Variants in LOC128462377 observed in about 807,000 individuals in gnomAD.
At chr16:89,396,818 C>G in the LOC128462377 span, among the ~76,000 whole-genome samples, 2 of 152,282 alleles carry the variant, frequency 1.3e-5, no homozygotes, top group Middle Eastern at 3.4e-3. Context: ...TCCCGAGTAG[C>G]TGGGACTACA....
At chr16:89,380,500 G>A in the LOC128462377 span, among the ~76,000 whole-genome samples, 3 of 152,180 alleles carry the variant, frequency 2.0e-5, no homozygotes, top group Non-Finnish European at 2.9e-5. Flanking sequence ...TCCAGAGAAC[G>A]ACCAGCAGTC....
At chr16:89,349,952 G>A in the LOC128462377 span, among the ~76,000 whole-genome samples, 1 of 147,760 alleles carries the variant, frequency 6.8e-6, no homozygotes, top group Non-Finnish European at 1.5e-5. Flanking sequence ...CCTGTGTCTA[G>A]AATCCATAAA....
chr16:89,374,723 A>G, the LOC128462377 span, among the ~76,000 whole-genome samples: 3 of 152,210 alleles, frequency 2.0e-5, no homozygotes, highest in Admixed American at 1.3e-4. Context: ...AGGACCAGAA[A>G]AAAACAGGAA....
the LOC128462377 span, among the ~76,000 whole-genome samples, chr16:89,329,210 G>T: frequency 6.6e-6 from 1 of 152,358 alleles, no homozygotes; most frequent in African/African-American, 2.4e-5. Flanking sequence ...ATGTCTGTCG[G>T]TGGCTGTCGA....
the LOC128462377 span, among the ~76,000 whole-genome samples, chr16:89,414,158 G>T: frequency 6.6e-6 from 1 of 152,194 alleles, no homozygotes; most frequent in African/African-American, 2.4e-5. Flanking sequence ...CAGCAAGACA[G>T]AACCTGATTA....
At chr16:89,330,661 G>C in the LOC128462377 span, among the ~76,000 whole-genome samples, 3 of 13,130 alleles carry the variant, frequency 2.3e-4, no homozygotes, top group Non-Finnish European at 9.7e-4. Flanking sequence ...AGTGACTGGG[G>C]GGGGGGGGGG....
chr16:89,336,416 G>GT, the LOC128462377 span, among the ~76,000 whole-genome samples: 3 of 152,252 alleles, frequency 2.0e-5, no homozygotes, highest in African/African-American at 7.2e-5. Context: ...GAAGGAGTCT[G>GT]TTTGCTGTGG....
the LOC128462377 span, among the ~76,000 whole-genome samples, chr16:89,340,641 T>G: frequency 6.6e-6 from 1 of 152,334 alleles, no homozygotes; most frequent in East Asian, 1.9e-4. Context: ...CACATCATCT[T>G]TTTTTCTAAC....
At chr16:89,416,579 T>C in the LOC128462377 span, among the ~76,000 whole-genome samples, 1 of 152,068 alleles carries the variant, frequency 6.6e-6, no homozygotes, top group Admixed American at 6.5e-5. Flanking sequence ...ATTACAGGCG[T>C]GAGCCACTGT....
At chr16:89,398,137 A>G in the LOC128462377 span, among the ~76,000 whole-genome samples, 1 of 151,610 alleles carries the variant, frequency 6.6e-6, no homozygotes, top group East Asian at 1.9e-4. Context: ...GGACACTGTG[A>G]AACAGCTGAA....
the LOC128462377 span, among the ~76,000 whole-genome samples, chr16:89,333,281 T>A: frequency 6.6e-6 from 1 of 152,230 alleles, no homozygotes; most frequent in Non-Finnish European, 1.5e-5. Flanking sequence ...AAATTGAGCA[T>A]GAAGTACAGA....
the LOC128462377 span, among the ~76,000 whole-genome samples, chr16:89,370,933 C>T: frequency 6.6e-6 from 1 of 152,148 alleles, no homozygotes; most frequent in African/African-American, 2.4e-5. Flanking sequence ...CGCCACGAGA[C>T]GCCCAAGAAC....
the LOC128462377 span, chr16:89,324,155 C>T: frequency 1.9e-6 from 2 of 1,053,956 alleles, no homozygotes; most frequent in Admixed American, 3.8e-5. Context: ...CCTGTTTCCA[C>T]TCACATTTTC....
the LOC128462377 span, among the ~76,000 whole-genome samples, chr16:89,367,844 C>T: frequency 6.6e-6 from 1 of 151,942 alleles, no homozygotes; most frequent in East Asian, 1.9e-4. Context: ...CCTGTCTCTA[C>T]AAAAAACAAA....
chr16:89,416,260 G>C, the LOC128462377 span, among the ~76,000 whole-genome samples: 1 of 151,956 alleles, frequency 6.6e-6, no homozygotes, highest in African/African-American at 2.4e-5. Flanking sequence ...CTGATAGCTT[G>C]CTCCCCTTTA....
the LOC128462377 span, among the ~76,000 whole-genome samples, chr16:89,355,369 C>T: frequency 1.3e-5 from 2 of 152,144 alleles, no homozygotes; most frequent in African/African-American, 4.8e-5. Flanking sequence ...AAACGGAGGA[C>T]GATGGCAGAA....
the LOC128462377 span, among the ~76,000 whole-genome samples, chr16:89,389,133 C>G: frequency 6.6e-6 from 1 of 152,116 alleles, no homozygotes; most frequent in Non-Finnish European, 1.5e-5. Context: ...ATCCTCCCAC[C>G]TCAGCCTTCT....
chr16:89,385,489 G>A, the LOC128462377 span, among the ~76,000 whole-genome samples: 1 of 152,142 alleles, frequency 6.6e-6, no homozygotes, highest in Non-Finnish European at 1.5e-5. Context: ...GCACCGGGCA[G>A]AGGGAAGGGC....
At chr16:89,410,099 A>C in the LOC128462377 span, among the ~76,000 whole-genome samples, 2 of 152,132 alleles carry the variant, frequency 1.3e-5, no homozygotes, top group Non-Finnish European at 2.9e-5. Flanking sequence ...TCGGCCTCCC[A>C]AAGTGCTGGG....
Sources: gnomAD v4.1 joint callset for allele counts (sites outside exome capture counted in the v4.1 genomes callset) on GRCh38, gnomAD v4.1.1 for gene constraint, MANE v1.5 for transcripts.